LARP1: variants seen among roughly 807,000 people sequenced by gnomAD.
The protein encoded by LARP1 is La ribonucleoprotein 1, translational regulator, also known as la-related protein 1.
A neutral mutation model predicts 122.7 loss-of-function variants in LARP1; 36 were observed. That is an observed-to-expected ratio of 0.29 (90% CI 0.22 to 0.39). The LOEUF (loss-of-function observed/expected upper bound fraction) is 0.39. LARP1 is among the 10% of genes least tolerant of loss of function. The pLI, the probability that LARP1 is intolerant of heterozygous loss-of-function variation, is 1.00. For synonymous variants in LARP1, 539 were observed against 528.7 expected (o/e 1.02, Z -0.27); for missense variants, 1,040 against 1,403.6 (o/e 0.74, Z 4.14).
At chr5:154,745,684 A>G (rs1753149809) in intron 1 of LARP1, among the ~76,000 whole-genome samples, 1 of 152,208 alleles carries the variant, frequency 6.6e-6, no homozygotes, top group East Asian at 1.9e-4. Flanking sequence ...TTACCCAGCC[A>G]TTCCCTTTCT....
chr5:154,785,026 C>T (rs190392373), intron 1 of LARP1, among the ~76,000 whole-genome samples: 8 of 152,220 alleles, frequency 5.3e-5, no homozygotes, highest in African/African-American at 1.7e-4. Context: ...TGTCAGCCTT[C>T]GCCATGTTCT....
rs775419256 is a variant in LARP1 at position 154,790,803 on chromosome 5, T to G, written c.564+93T>G. ...TTCCAGAGAGCCTCAGCTCTTACCT[T>G]TCTCAGTTTTCATTCTTTCTTTTTT... On this transcript the variant is annotated intron_variant, in intron 3 of 18. Transcript: ENST00000518297. 456 of 1,106,500 alleles carry G rather than the reference T, an allele frequency of 4.1e-4. 2 individuals are homozygous for G. The highest frequency in any genetic ancestry group is 5.6e-4 in the Non-Finnish European group (411 of 737,704). The allele number at this position is 1,106,500 out of a possible 1,614,324, so 68.5% of individuals were successfully genotyped here.
At position 154,803,616 on chromosome 5, in the gene LARP1, T is replaced by C. The variant is rs776308073; in HGVS notation, c.2310T>C (p.Thr770=). ...CCATCGCCCGCTCTCTACCAACCAC[T>C]GTCCCAGAGTCACCAAACTACCGCA... The part of the protein sequence containing the change: ...PSTIARSLPT[T]VPESPNYRNT... The change falls in exon 13 of 19, where the codon ACT becomes ACC. Residue 770 remains threonine, a synonymous_variant. Transcript: ENST00000518297. The surrounding 1 kb of genome is among the most constrained non-coding windows in gnomAD (Gnocchi z 4.4). 1.9e-6 allele frequency: 3 copies of C among 1,614,188 alleles called. No homozygotes were observed. The highest frequency in any genetic ancestry group is 1.7e-5 in the Admixed American group (1 of 60,022).
Position 154,802,282 on chromosome 5 carries a change from C to T in LARP1, c.1992C>T (p.Asn664=). 6.2e-7 allele frequency: 1 copy of T among 1,614,196 alleles called. No individual in the cohort carries two copies. Among genetic ancestry groups the T allele is most frequent in the Non-Finnish European group, 8.5e-7 (1 of 1,180,048 alleles). Residue 664 remains asparagine, a synonymous_variant, in exon 11 of 19, where the codon AAC becomes AAT. Transcript: ENST00000518297. The surrounding 1 kb of genome is among the most constrained non-coding windows in gnomAD (Gnocchi z 5.1). The part of the protein sequence containing the change: ...RRHPGGDRTG[N]HTSRAKMSAE... ...ACCCAGGGGGGGACCGCACAGGCAACCACACCTCGCGTGCCAAGATGAGCG... is the reference window on the plus strand; with the variant it reads ...ACCCAGGGGGGGACCGCACAGGCAATCACACCTCGCGTGCCAAGATGAGCG...
chr5:154,720,226 A>C (rs1036542798), intron 1 of LARP1, among the ~76,000 whole-genome samples: 1 of 151,884 alleles, frequency 6.6e-6, no homozygotes, highest in African/African-American at 2.4e-5. Context: ...TAATAATAAT[A>C]CTAACCATAG....
chr5:154,731,854 G>A (rs1008200179), intron 1 of LARP1, among the ~76,000 whole-genome samples: 10 of 151,634 alleles, frequency 6.6e-5, no homozygotes, highest in Middle Eastern at 3.4e-3. Context: ...ATGGTGAAAC[G>A]CTACTGAAAA....
chr5:154,802,595 A>G lies in LARP1; in HGVS notation c.2109+196A>G, dbSNP rs929919682. Among the ~76,000 whole-genome samples, 18 of 152,142 alleles carry G rather than the reference A, an allele frequency of 1.2e-4. No individual in the cohort carries two copies. The highest frequency in any genetic ancestry group is 3.9e-4 in the African/African-American group (16 of 41,422). On this transcript the variant is annotated intron_variant, in intron 11 of 18. Coordinates refer to ENST00000518297, the MANE Select transcript of LARP1 (RefSeq NM_033551.3). This position sits in a 1 kb window ranked among gnomAD's most constrained non-coding sequence, Gnocchi z 5.1. ...TGAGGGGTGATGTGTAAACACTGCA[A>G]ACTCTTCAGGTGAGGCGGTGGTGAT... is the stretch of plus-strand genomic sequence containing the variant.
chr5:154,734,326 A>C (rs1756758598), intron 1 of LARP1, among the ~76,000 whole-genome samples: 2 of 152,212 alleles, frequency 1.3e-5, no homozygotes, highest in Admixed American at 1.3e-4. Flanking sequence ...AGCTTCAAAA[A>C]CATGAAGTCA....
intron 16 of LARP1, among the ~76,000 whole-genome samples, chr5:154,809,351 C>T (rs1452008731): frequency 2.0e-5 from 3 of 149,862 alleles, no homozygotes; most frequent in Admixed American, 2.0e-4. Context: ...ACACCCCCAC[C>T]CCCTCCCCAA....
chr5:154,683,063 G>T (rs1301428556), intron 1 of LARP1, among the ~76,000 whole-genome samples: 1 of 152,148 alleles, frequency 6.6e-6, no homozygotes, highest in Non-Finnish European at 1.5e-5. Context: ...AGCAAGCGAC[G>T]CCGTGCGACC....
intron 1 of LARP1, among the ~76,000 whole-genome samples, chr5:154,725,651 C>T (rs77984302): frequency 0.036 from 5,445 of 152,138 alleles, 349 homozygotes; most frequent in African/African-American, 0.12. Context: ...TAAGGGGTCA[C>T]GATTCCAGAG....
chr5:154,740,643 C>T (rs1392694238), intron 1 of LARP1, among the ~76,000 whole-genome samples: 2 of 152,178 alleles, frequency 1.3e-5, no homozygotes, highest in Non-Finnish European at 2.9e-5. Flanking sequence ...TGGCCGGAAG[C>T]CCAGGCCTTT....
chr5:154,744,254 T>C (rs1479686536), intron 1 of LARP1, among the ~76,000 whole-genome samples: 1 of 152,166 alleles, frequency 6.6e-6, no homozygotes, highest in Non-Finnish European at 1.5e-5. Flanking sequence ...TAAGTCCTAA[T>C]TGAAGTCCAG....
upstream of LARP1, among the ~76,000 whole-genome samples, chr5:154,711,490 T>G (rs76645988): frequency 0.031 from 4,676 of 152,196 alleles, 107 homozygotes; most frequent in Non-Finnish European, 0.045. Flanking sequence ...AGTTTACATA[T>G]GTCTACAGAG....
intron 4 of LARP1, 118 bp from the exon 5 acceptor site, chr5:154,793,477 A>G: frequency 7.7e-7 from 1 of 1,303,870 alleles, no homozygotes; most frequent in Non-Finnish European, 1.1e-6. Flanking sequence ...GGATCTGCCC[A>G]AGGTAACCAG....
rs760976850 is a variant in LARP1 at position 154,799,894 on chromosome 5, G to C, written c.1568G>C (p.Arg523Pro). ...KETESAPGSP[R>P]AVTPVPTKTE... ...TTAGAGTCGGCACCTGGCTCTCCTCGTGCAGTCACCCCAGTGCCAACCAAA... is the reference window on the plus strand; with the variant it reads ...TTAGAGTCGGCACCTGGCTCTCCTCCTGCAGTCACCCCAGTGCCAACCAAA... Residue 523 changes from arginine (R) to proline (P), a missense_variant, in exon 10 of 19, where the codon CGT becomes CCT. Arg to Pro is a moderately radical substitution (Grantham distance 103). Coordinates refer to ENST00000518297, the MANE Select transcript of LARP1 (RefSeq NM_033551.3). 1 of 1,613,974 alleles carries C rather than the reference G, an allele frequency of 6.2e-7. No individual in the cohort carries two copies. The highest frequency in any genetic ancestry group is 8.5e-7 in the Non-Finnish European group (1 of 1,179,936).
At chr5:154,688,259 T>C (rs1754027889) in intron 1 of LARP1, among the ~76,000 whole-genome samples, 1 of 152,214 alleles carries the variant, frequency 6.6e-6, no homozygotes, top group Admixed American at 6.5e-5. Context: ...CTGAGCACTC[T>C]ATCCCTGAAT....
chr5:154,764,996 A>T (rs1219141690), intron 1 of LARP1, among the ~76,000 whole-genome samples: 1 of 151,800 alleles, frequency 6.6e-6, no homozygotes, highest in East Asian at 1.9e-4. Flanking sequence ...ACCATACATC[A>T]TCATTTCTCA....
intron 8 of LARP1, among the ~76,000 whole-genome samples, chr5:154,798,647 G>A (rs79278725): frequency 2.0e-5 from 3 of 152,010 alleles, no homozygotes; most frequent in Non-Finnish European, 2.9e-5. Context: ...GACCACAGAT[G>A]TATGCCAGCG....
Sources: gnomAD v4.1 joint callset for allele counts (sites outside exome capture counted in the v4.1 genomes callset) on GRCh38, gnomAD v4.1.1 for gene constraint, Gnocchi (gnomAD v3.1) non-coding constraint, MANE v1.5 for transcripts, NCBI Gene and HGNC (gene_info 2026-07-23, HGNC 2026-07-21) for gene names.